The following BACE2 variants were observed in gnomAD, a reference collection of about 807,000 sequenced individuals.
BACE2 encodes beta-secretase 2.
BACE2 carries 17 observed loss-of-function variants against 46.2 expected under a neutral mutation model. The observed-to-expected ratio is 0.37, with a 90% CI of 0.25 to 0.55. BACE2 has a LOEUF of 0.55. BACE2 is among the 20% of genes least tolerant of loss of function. BACE2 has a pLI of 0.82. For missense variants in BACE2, 595 were observed against 698.1 expected (o/e 0.85, Z 1.66); for synonymous variants, 277 against 295.9 (o/e 0.94, Z 0.66).
At chr21:41,265,137 C>A (rs1988034733) in intron 8 of BACE2, among the ~76,000 whole-genome samples, 1 of 148,622 alleles carries the variant, frequency 6.7e-6, no homozygotes, top group Non-Finnish European at 1.5e-5. Flanking sequence ...AGTCCCACTC[C>A]CTCAGAGGTA....
Position 41,273,344 on chromosome 21 carries a change from G to A in BACE2, c.1304-2027G>A, listed in dbSNP as rs1049859353. ...TCCTTGTCCTGATAGGCCTGGGAGC[G>A]CTATGGGAGACCGGGGCTTATTTCA... On this transcript the variant is annotated intron_variant, in intron 8 of 8. Transcript: ENST00000330333. 7.9e-5 allele frequency among the ~76,000 whole-genome samples: 12 copies of A among 152,304 alleles called. No individual in the cohort carries two copies. The East Asian group carries it at 9.6e-4, about 12-fold the overall frequency.
At chr21:41,272,959 G>A (rs149667666) in intron 8 of BACE2, among the ~76,000 whole-genome samples, 39 of 152,178 alleles carry the variant, frequency 2.6e-4, no homozygotes, top group East Asian at 1.7e-3. Context: ...AGTGTCAGCC[G>A]GTCTGAGAAA....
chr21:41,215,972 A>G (rs1426497563), intron 1 of BACE2, among the ~76,000 whole-genome samples: 1 of 152,230 alleles, frequency 6.6e-6, no homozygotes, highest in Non-Finnish European at 1.5e-5. Context: ...GGAAATTCCT[A>G]GAATAAAGGA....
At chr21:41,228,568 G>T (rs1159976955) in intron 2 of BACE2, among the ~76,000 whole-genome samples, 2 of 152,210 alleles carry the variant, frequency 1.3e-5, no homozygotes, top group Non-Finnish European at 2.9e-5. Context: ...GGAAGCAAGG[G>T]TAGGGGAAGG....
At chr21:41,180,974 A>C (rs545238326) in intron 1 of BACE2, 2 of 167,232 alleles carry the variant, frequency 1.2e-5, no homozygotes, top group Non-Finnish European at 2.9e-5. Context: ...ATTTGAGCCA[A>C]GTTCTTTAGC....
chr21:41,256,526 A>G (rs1987792170), intron 7 of BACE2, among the ~76,000 whole-genome samples: 1 of 152,222 alleles, frequency 6.6e-6, no homozygotes, highest in South Asian at 2.1e-4. Context: ...CCTGCTAACT[A>G]AAAGCTTCCT....
At chr21:41,211,833 A>G (rs1986311792) in intron 1 of BACE2, among the ~76,000 whole-genome samples, 2 of 152,248 alleles carry the variant, frequency 1.3e-5, no homozygotes, top group Non-Finnish European at 2.9e-5. Flanking sequence ...CCTTTAATGC[A>G]ACATTTTACC....
chr21:41,218,889 A>C (rs1986555853), intron 1 of BACE2, among the ~76,000 whole-genome samples: 1 of 146,412 alleles, frequency 6.8e-6, no homozygotes, highest in Non-Finnish European at 1.5e-5. Context: ...TTTGTGACAG[A>C]GTCTCGCTCT....
intron 8 of BACE2, among the ~76,000 whole-genome samples, chr21:41,264,352 G>A (rs1309851134): frequency 1.3e-5 from 2 of 152,062 alleles, no homozygotes; most frequent in African/African-American, 4.8e-5. Context: ...GGAGGCCAAG[G>A]CAGGAGGATC....
intron 1 of BACE2, chr21:41,183,974 G>T (rs1287354780): frequency 3.6e-5 from 6 of 167,040 alleles, no homozygotes; most frequent in African/African-American, 7.2e-5. Context: ...ATCCTGAGGG[G>T]CAAGGAGGCT....
chr21:41,214,553 C>G (rs1035030553), intron 1 of BACE2, among the ~76,000 whole-genome samples: 1 of 152,210 alleles, frequency 6.6e-6, no homozygotes, highest in African/African-American at 2.4e-5. Context: ...ATCATCTAAA[C>G]TCTTTTACTC....
chr21:41,183,628 C>A (rs12106401), intron 1 of BACE2: 1,713 of 167,274 alleles, frequency 0.01, 26 homozygotes, highest in African/African-American at 0.035. Flanking sequence ...GGAGTCCCCA[C>A]GCCACTGGAG....
At chr21:41,204,550 C>T (rs1406471956) in intron 1 of BACE2, among the ~76,000 whole-genome samples, 1 of 152,178 alleles carries the variant, frequency 6.6e-6, no homozygotes, top group Non-Finnish European at 1.5e-5. Flanking sequence ...TCCACTGCTG[C>T]TCCAGCAAAC....
Position 41,168,581 on chromosome 21 carries a change from G to A in BACE2, c.312+6G>A. On this transcript the variant is annotated splice_donor_region_variant and intron_variant, in intron 1 of 8. Coordinates refer to ENST00000330333, the MANE Select transcript of BACE2 (RefSeq NM_012105.5). ...TCGGGACCCCCCCGCAGAAGGTAGG[G>A]ACCCCCGGCTGCTGCCGCGGGCTTT... 1 of 1,318,694 alleles carries A rather than the reference G, an allele frequency of 7.6e-7. No homozygotes were observed. Among genetic ancestry groups the A allele is most frequent in the Non-Finnish European group, 9.7e-7 (1 of 1,026,588 alleles). The allele number at this position is 1,318,694 out of a possible 1,614,324, so 81.7% of individuals were successfully genotyped here. A position where few individuals can be genotyped will look rare whatever the true frequency, so the allele number is the denominator to read the frequency against.
chr21:41,261,757 G>A (rs2123636517), intron 8 of BACE2, among the ~76,000 whole-genome samples: 1 of 151,926 alleles, frequency 6.6e-6, no homozygotes, highest in East Asian at 1.9e-4. Flanking sequence ...CATTTTCTCA[G>A]CATCCTTATT....
rs148642701 is a variant in BACE2 at position 41,199,903 on chromosome 21, C to T, written c.313-26363C>T. ...CTTCCCACCTATGAGTGAGAACATG[C>T]GGTGTTTGGTTTTTTGTCCTTGCGA... On this transcript the variant is annotated intron_variant, in intron 1 of 8. Coordinates refer to ENST00000330333, the MANE Select transcript of BACE2 (RefSeq NM_012105.5). 6.6e-5 allele frequency among the ~76,000 whole-genome samples: 10 copies of T among 152,122 alleles called. No individual in the cohort carries two copies. The East Asian group carries it at 1.9e-3, about 30-fold the overall frequency.
At position 41,206,075 on chromosome 21, in the gene BACE2, C is replaced by A. The variant is rs541937276; in HGVS notation, c.313-20191C>A. ...TGGATAAACAAAATTCTGGTCTATACTTATGTTTTAGTTTGGGCTGCCCTA... is the reference window on the plus strand; with the variant it reads ...TGGATAAACAAAATTCTGGTCTATAATTATGTTTTAGTTTGGGCTGCCCTA... On this transcript the variant is annotated intron_variant, in intron 1 of 8. Coordinates refer to ENST00000330333, the MANE Select transcript of BACE2 (RefSeq NM_012105.5). Among the ~76,000 whole-genome samples the A allele has an allele frequency of 7.8e-4, 119 of 152,248 alleles. 2 individuals carry two copies. The highest frequency in any genetic ancestry group is 6.8e-3 in the Middle Eastern group (2 of 292).
chr21:41,172,115 C>T (rs1401856092), intron 1 of BACE2, among the ~76,000 whole-genome samples: 2 of 152,190 alleles, frequency 1.3e-5, no homozygotes, highest in Non-Finnish European at 2.9e-5. Flanking sequence ...AAATGGTAAA[C>T]TATTAAAGAC....
At position 41,189,575 on chromosome 21, in the gene BACE2, T is replaced by C. The variant is rs948213713; in HGVS notation, c.312+21000T>C. On this transcript the variant is annotated intron_variant, in intron 1 of 8. Coordinates refer to ENST00000330333, the MANE Select transcript of BACE2 (RefSeq NM_012105.5). ...TTATCTGTCTCCTCCAAGTTCCTTG[T>C]TTCAGTGTGTTTGTCATGGTCTTTG... Among the ~76,000 whole-genome samples the C allele has an allele frequency of 4.6e-5, 7 of 152,220 alleles. No homozygotes were observed. In the South Asian group the frequency reaches 6.2e-4, roughly 13 times the overall value.
Sources: gnomAD v4.1 joint callset for allele counts (sites outside exome capture counted in the v4.1 genomes callset) on GRCh38, gnomAD v4.1.1 for gene constraint, MANE v1.5 for transcripts, NCBI Gene and HGNC (gene_info 2026-07-23, HGNC 2026-07-21) for gene names.